The following NEK6 variants were observed in gnomAD, a reference collection of about 807,000 sequenced individuals.
NEK6 encodes serine/threonine-protein kinase Nek6.
Under a neutral mutation model 43.5 loss-of-function variants are expected in NEK6, and 27 were observed. That is an observed-to-expected ratio of 0.62 (90% CI 0.46 to 0.86). NEK6 has a LOEUF of 0.86. Ranked by LOEUF, NEK6 falls within the 40% of genes least tolerant of loss-of-function variation. The pLI is 0.00. For missense variants in NEK6, 318 were observed against 414.4 expected, an observed-to-expected ratio of 0.77 and a Z score of 2.02; for synonymous variants, 167 against 164.1, an observed-to-expected ratio of 1.02 and a Z score of -0.14.
Position 124,344,368 on chromosome 9 carries a change from A to T in NEK6, c.718-3341A>T, listed in dbSNP as rs546436589. On this transcript the variant is annotated intron_variant, in intron 8 of 9. Transcript: ENST00000320246. ...CCTCTCTCACACTTGGGCATCAGCT[A>T]TTACCGAGGACCTCCTGTGGCCACC... is the stretch of plus-strand genomic sequence containing the variant. Among the ~76,000 whole-genome samples, 67 of 152,342 alleles carry T rather than the reference A, an allele frequency of 4.4e-4. 1 individual carries two copies. Among genetic ancestry groups the T allele is most frequent in the Non-Finnish European group, 2.1e-4 (14 of 68,024 alleles).
intron 8 of NEK6, among the ~76,000 whole-genome samples, chr9:124,347,105 T>C (rs1191846906): frequency 6.6e-6 from 1 of 152,318 alleles, no homozygotes; most frequent in African/African-American, 2.4e-5. Context: ...TGCGCACCTC[T>C]ATCCAGGGGC....
intron 1 of NEK6, among the ~76,000 whole-genome samples, chr9:124,264,889 A>C (rs369739906): frequency 6.6e-6 from 1 of 150,884 alleles, no homozygotes. Flanking sequence ...CTGAAAGGCC[A>C]CTAAGGATGA....
intron 7 of NEK6, among the ~76,000 whole-genome samples, chr9:124,332,463 C>G (rs1273467336): frequency 6.6e-6 from 1 of 152,184 alleles, no homozygotes; most frequent in African/African-American, 2.4e-5. Flanking sequence ...CCAGCCAGCT[C>G]CAGCTCCATG....
intron 8 of NEK6, among the ~76,000 whole-genome samples, chr9:124,345,645 G>A (rs891567120): frequency 2.6e-5 from 4 of 152,070 alleles, no homozygotes; most frequent in African/African-American, 9.7e-5. Context: ...CCTCTCCGGG[G>A]TCAGCCACAT....
chr9:124,350,710 C>G, intron 9 of NEK6, 127 bp from the exon 10 acceptor site: 1 of 728,682 alleles, frequency 1.4e-6, no homozygotes, highest in Non-Finnish European at 2.4e-6. Flanking sequence ...TTCTTCAGCT[C>G]TAACGGGGAC....
intron 1 of NEK6, among the ~76,000 whole-genome samples, chr9:124,272,674 C>T (rs1400142518): frequency 1.3e-5 from 2 of 152,220 alleles, no homozygotes; most frequent in South Asian, 4.1e-4. Context: ...GACTCACAAC[C>T]GCTCCCCCTA....
intron 2 of NEK6, among the ~76,000 whole-genome samples, chr9:124,310,055 G>C (rs1833452745): frequency 6.6e-6 from 1 of 152,206 alleles, no homozygotes; most frequent in Admixed American, 6.5e-5. Context: ...CCGGTCAGGG[G>C]GTCTTGAGTG....
At chr9:124,350,762 G>A (rs953641676) in intron 9 of NEK6, 75 bp from the exon 10 acceptor site, 1 of 1,027,214 alleles carries the variant, frequency 9.7e-7, no homozygotes, top group Admixed American at 1.8e-5. Flanking sequence ...GTGCCTTCAT[G>A]CAGACAGACT....
At chr9:124,323,560 G>A (rs558284914) in intron 5 of NEK6, among the ~76,000 whole-genome samples, 3 of 152,294 alleles carry the variant, frequency 2.0e-5, no homozygotes, top group African/African-American at 7.2e-5. Flanking sequence ...AACGCAGCCC[G>A]TGGAGAGGAC....
At chr9:124,260,015 C>T (rs1363244468) in intron 1 of NEK6, among the ~76,000 whole-genome samples, 3 of 147,388 alleles carry the variant, frequency 2.0e-5, no homozygotes, top group East Asian at 2.0e-4. Flanking sequence ...TGCTGGGAGC[C>T]GTTCTAGGGG....
At chr9:124,318,421 G>A (rs1833920314) in intron 4 of NEK6, among the ~76,000 whole-genome samples, 2 of 151,784 alleles carry the variant, frequency 1.3e-5, no homozygotes, top group African/African-American at 4.8e-5. Flanking sequence ...TTTTTTTGTA[G>A]TGACAAGGTC....
rs1233604180 is a variant in NEK6, at chr9:124,324,024, C to T, written c.406-2306C>T. Among the ~76,000 whole-genome samples the T allele has an allele frequency of 2.0e-5, 3 of 152,086 alleles. No homozygotes were observed. On this transcript the variant is annotated intron_variant, in intron 5 of 9. Transcript: ENST00000320246. This position sits in a 1 kb window ranked among gnomAD's most constrained non-coding sequence, Gnocchi z 5.3. ...CTGGCATGGTTCCCCCTCCCACAGTCCCCACCTCTCTCCCCCCACTGTCCC... is the reference window on the plus strand; with the variant it reads ...CTGGCATGGTTCCCCCTCCCACAGTTCCCACCTCTCTCCCCCCACTGTCCC...
At chr9:124,292,629 G>C in intron 1 of NEK6, 1 of 1,477,270 alleles carries the variant, frequency 6.8e-7, no homozygotes, top group Non-Finnish European at 9.1e-7. Flanking sequence ...GGTAGTAGCT[G>C]CGGTTCTGCT....
At chr9:124,279,395 G>A (rs185021614) in intron 1 of NEK6, among the ~76,000 whole-genome samples, 2 of 149,212 alleles carry the variant, frequency 1.3e-5, no homozygotes, top group Admixed American at 1.3e-4. Context: ...TCTGCTCCCC[G>A]GGTTCAAGCG....
At chr9:124,272,985 T>C (rs1017421378) in intron 1 of NEK6, among the ~76,000 whole-genome samples, 6 of 152,168 alleles carry the variant, frequency 3.9e-5, no homozygotes, top group Non-Finnish European at 8.8e-5. Context: ...AGCAGTAGAC[T>C]CTCAGCGGCC....
chr9:124,307,603 G>A (rs774017134), intron 2 of NEK6, among the ~76,000 whole-genome samples: 3 of 152,274 alleles, frequency 2.0e-5, no homozygotes, highest in South Asian at 2.1e-4. Context: ...CCGGCCCCTC[G>A]ATCAGTCTCC....
rs1834219436 is a variant in NEK6 at position 124,324,217 on chromosome 9, C to T, written c.406-2113C>T. Among the ~76,000 whole-genome samples, 1 of 152,242 alleles carries T rather than the reference C, an allele frequency of 6.6e-6. No homozygotes were observed. Among genetic ancestry groups the T allele is most frequent in the African/African-American group, 2.4e-5 (1 of 41,470 alleles). On this transcript the variant is annotated intron_variant, in intron 5 of 9. Coordinates refer to ENST00000320246, the MANE Select transcript of NEK6 (RefSeq NM_014397.6). The surrounding 1 kb of genome is among the most constrained non-coding windows in gnomAD (Gnocchi z 5.3). ...TGTGCCTCAGTTGCCTCATCTGTAA[C>T]ATACCAGCACAATGCCTGGGGTTTG...
At position 124,347,758 on chromosome 9, in the gene NEK6, C is replaced by T. The variant is rs774656051; in HGVS notation, c.767C>T (p.Ser256Phe). ...PFYGDKMNLF[S>F]LCQKIEQCDY... is the part of the protein sequence containing the mutation. ...TATGGAGATAAGATGAATCTCTTCTCCCTGTGCCAGAAGATCGAGCAGTGT... is the reference window on the plus strand; with the variant it reads ...TATGGAGATAAGATGAATCTCTTCTTCCTGTGCCAGAAGATCGAGCAGTGT... The change falls in exon 9 of 10, where the codon TCC (serine) becomes TTC (phenylalanine). Residue 256 changes from serine (S) to phenylalanine (F), a missense_variant. By Grantham distance (155) the Ser-to-Phe change is radical. Transcript: ENST00000320246. The T allele has an allele frequency of 6.2e-7, 1 of 1,613,218 alleles. No homozygotes were observed.
Position 124,353,236 on chromosome 9 carries a change from T to G in NEK6, c.*2289T>G. On this transcript the variant is annotated 3_prime_UTR_variant, in exon 10 of 10. Coordinates refer to ENST00000320246, the MANE Select transcript of NEK6 (RefSeq NM_014397.6). ...CAAACCTGAGGCCACCCCAAACAAA[T>G]TCAGCCAGCAAAAAGGGTAGGTATC... 1 of 230,522 alleles carries G rather than the reference T, an allele frequency of 4.3e-6. No homozygotes were observed. Among genetic ancestry groups the G allele is most frequent in the Non-Finnish European group, 8.4e-6 (1 of 119,462 alleles). 14.3% of individuals were successfully genotyped at this position (230,522 alleles called of 1,614,324 possible).
Sources: allele counts gnomAD v4.1 joint callset (sites outside exome capture counted in the v4.1 genomes callset), GRCh38; gene constraint gnomAD v4.1.1; non-coding constraint Gnocchi (gnomAD v3.1); transcripts MANE v1.5; gene names NCBI Gene and HGNC (gene_info 2026-07-23, HGNC 2026-07-21).